Variants in MTRF1 observed in about 807,000 individuals in gnomAD.
MTRF1 encodes the protein peptide chain release factor 1, mitochondrial.
Under a neutral mutation model 62.9 loss-of-function variants are expected in MTRF1, and 51 were observed. That is an observed-to-expected ratio of 0.81 (90% CI 0.65 to 1.02). The LOEUF (loss-of-function observed/expected upper bound fraction) is 1.02, where lower values mean the gene tolerates loss of function less well. Among genes scored for constraint, MTRF1 ranks in the 50% least tolerant of loss-of-function variants. The pLI is 0.00. For missense variants in MTRF1, 446 were observed against 530.0 expected, an observed-to-expected ratio of 0.84 and a Z score of 1.56; for synonymous variants, 158 against 181.9, an observed-to-expected ratio of 0.87 and a Z score of 1.06.
the MTRF1 span, among the ~76,000 whole-genome samples, chr13:41,277,401 G>A: frequency 6.6e-6 from 1 of 152,212 alleles, no homozygotes; most frequent in South Asian, 2.1e-4. Flanking sequence ...AAAAGTGCTG[G>A]GATTACAGGC....
the MTRF1 span, among the ~76,000 whole-genome samples, chr13:41,293,246 G>A: frequency 1.9e-4 from 29 of 152,220 alleles, no homozygotes; most frequent in East Asian, 5.4e-3. Context: ...TAGTTGACCA[G>A]AAATCTCTTA....
the MTRF1 span, chr13:41,311,311 A>C: frequency 1.8e-6 from 1 of 545,014 alleles, no homozygotes; most frequent in African/African-American, 2.0e-5. Context: ...CAAAAAGCGG[A>C]GCCCAGGGGA....
At chr13:41,237,218 CAAAAA>C (rs11412273) in intron 6 of MTRF1, among the ~76,000 whole-genome samples, 4 of 63,896 alleles carry the variant, frequency 6.3e-5, no homozygotes, top group Middle Eastern at 9.8e-3. Flanking sequence ...GAATCTGTCT[CAAAAA>C]AAAAAAAAAA....
At chr13:41,217,610 T>C (rs1358801161) in intron 9 of MTRF1, among the ~76,000 whole-genome samples, 2 of 152,040 alleles carry the variant, frequency 1.3e-5, no homozygotes. Flanking sequence ...GGATTTTCTC[T>C]TATTGTACCC....
intron 2 of MTRF1, among the ~76,000 whole-genome samples, chr13:41,258,619 A>C (rs1273538778): frequency 6.6e-6 from 1 of 151,758 alleles, no homozygotes; most frequent in Non-Finnish European, 1.5e-5. Context: ...ATACAAAAAT[A>C]ACTAAAATAG....
chr13:41,309,784 GT>G, the MTRF1 span, among the ~76,000 whole-genome samples: 1 of 152,162 alleles, frequency 6.6e-6, no homozygotes, highest in Non-Finnish European at 1.5e-5. Context: ...ATCACCTGAG[GT>G]CGGGAGTTTG....
At chr13:41,308,375 A>G in the MTRF1 span, among the ~76,000 whole-genome samples, 153 of 152,326 alleles carry the variant, frequency 1.0e-3, no homozygotes, top group African/African-American at 3.3e-3. Flanking sequence ...TGAGGGCTTG[A>G]CTGACGCACT....
the MTRF1 span, among the ~76,000 whole-genome samples, chr13:41,304,582 A>G: frequency 6.6e-6 from 1 of 152,366 alleles, no homozygotes; most frequent in East Asian, 1.9e-4. Context: ...GGGGAGACAC[A>G]GCCTTTGGTA....
intron 5 of MTRF1, among the ~76,000 whole-genome samples, chr13:41,248,007 T>C (rs1044289419): frequency 1.3e-5 from 2 of 152,150 alleles, no homozygotes; most frequent in Admixed American, 6.6e-5. Flanking sequence ...TCAAAAGTTC[T>C]GATTATTTTC....
At chr13:41,254,679 A>T in intron 2 of MTRF1, 59 bp from the exon 3 acceptor site, 1 of 1,284,616 alleles carries the variant, frequency 7.8e-7, no homozygotes, top group Non-Finnish European at 1.1e-6. Context: ...AGAAACTCCT[A>T]AGTAGCCATG....
intron 5 of MTRF1, among the ~76,000 whole-genome samples, chr13:41,247,572 G>A (rs188184823): frequency 9.8e-4 from 149 of 152,316 alleles, no homozygotes; most frequent in African/African-American, 3.5e-3. Context: ...GCTAAATGGG[G>A]ATGTGGCGGG....
intron 6 of MTRF1, chr13:41,236,718 T>C (rs1043476111): frequency 6.6e-6 from 1 of 152,198 alleles, no homozygotes; most frequent in African/African-American, 2.4e-5. Context: ...GTGGCTATAG[T>C]ATATTAAGTA....
At chr13:41,224,959 C>T (rs1163178290) in intron 8 of MTRF1, among the ~76,000 whole-genome samples, 1 of 152,096 alleles carries the variant, frequency 6.6e-6, no homozygotes, top group Non-Finnish European at 1.5e-5. Flanking sequence ...CACCTGTAAT[C>T]CCAGCACTTT....
At chr13:41,269,185 G>GTTTTTTTTTTTTTTTGTTTTTTTT in the MTRF1 span, among the ~76,000 whole-genome samples, 1 of 96,464 alleles carries the variant, frequency 1.0e-5, no homozygotes, top group Non-Finnish European at 1.9e-5. Context: ...CTTTTACCTT[G>GTTTTTTTTTTTTTTTGTTTTTTTT]TTTTTTTTTT....
At chr13:41,245,824 C>G (rs1224796944) in intron 5 of MTRF1, among the ~76,000 whole-genome samples, 1 of 152,142 alleles carries the variant, frequency 6.6e-6, no homozygotes, top group Non-Finnish European at 1.5e-5. Context: ...AAATAGCAAC[C>G]TGCTTTCTGG....
the MTRF1 span, among the ~76,000 whole-genome samples, chr13:41,286,280 C>T: frequency 1.3e-5 from 2 of 152,092 alleles, no homozygotes; most frequent in Admixed American, 1.3e-4. Flanking sequence ...ATCCAAGATA[C>T]ATAAAAGGAT....
the MTRF1 span, among the ~76,000 whole-genome samples, chr13:41,305,584 G>A: frequency 6.6e-6 from 1 of 152,162 alleles, no homozygotes; most frequent in Non-Finnish European, 1.5e-5. Context: ...TAACCAGAGA[G>A]GAGAGACAAG....
intron 5 of MTRF1, among the ~76,000 whole-genome samples, chr13:41,250,359 GCT>G (rs1489558873): frequency 6.6e-6 from 1 of 152,142 alleles, no homozygotes; most frequent in Non-Finnish European, 1.5e-5. Flanking sequence ...TGCCCTGAAT[GCT>G]CTCTCTCTAT....
chr13:41,294,416 CAAA>C, the MTRF1 span, among the ~76,000 whole-genome samples: 2 of 79,462 alleles, frequency 2.5e-5, no homozygotes, highest in Non-Finnish European at 2.9e-5. Context: ...GACTCCATCT[CAAA>C]AAAAAAAAAA....
Sources: allele counts gnomAD v4.1 joint callset (sites outside exome capture counted in the v4.1 genomes callset), GRCh38; gene constraint gnomAD v4.1.1; transcripts MANE v1.5; gene names NCBI Gene and HGNC (gene_info 2026-07-23, HGNC 2026-07-21).